TMPRSS7: variants seen among roughly 807,000 people sequenced by gnomAD.
The protein encoded by TMPRSS7 is transmembrane protease serine 7.
Under a neutral mutation model 95.6 loss-of-function variants are expected in TMPRSS7, and 81 were observed. That is an observed-to-expected ratio of 0.85 (90% CI 0.71 to 1.02). TMPRSS7 has a LOEUF of 1.02. Ranked by LOEUF, TMPRSS7 falls within the 50% of genes least tolerant of loss-of-function variation. The probability of loss-of-function intolerance (pLI) is 0.00; values close to 1 mark genes in which losing one functional copy is unlikely to be tolerated. For missense variants in TMPRSS7, 945 were observed against 955.2 expected (o/e 0.99, Z 0.14); for synonymous variants, 364 against 337.8 (o/e 1.08, Z -0.85).
At chr3:112,054,589 A>T (rs1055007459) in intron 9 of TMPRSS7, among the ~76,000 whole-genome samples, 1 of 152,130 alleles carries the variant, frequency 6.6e-6, no homozygotes, top group Non-Finnish European at 1.5e-5. Context: ...AGTGTTACAT[A>T]TGAATCCATT....
intron 8 of TMPRSS7, 55 bp from the exon 9 acceptor site, chr3:112,050,616 T>G (rs1007832842): frequency 3.2e-6 from 3 of 937,232 alleles, no homozygotes; most frequent in African/African-American, 3.4e-5. Context: ...ATGAAGTGTA[T>G]TTTCCATAAT....
chr3:112,063,268 G>A (rs969635227), intron 11 of TMPRSS7, among the ~76,000 whole-genome samples: 1 of 152,226 alleles, frequency 6.6e-6, no homozygotes, highest in Admixed American at 6.5e-5. Flanking sequence ...GATAGTAGAA[G>A]TTTGCTTGTG....
rs998240216 is a variant in TMPRSS7 at position 112,046,047 on chromosome 3, C to A, written c.691+104C>A. 3.1e-6 allele frequency: 3 copies of A among 979,532 alleles called. No homozygotes were observed. The East Asian group carries it at 8.0e-5, about 26-fold the overall frequency. The allele number at this position is 979,532 out of a possible 1,614,324, so 60.7% of individuals were successfully genotyped here. A position where few individuals can be genotyped will look rare whatever the true frequency, so the allele number is the denominator to read the frequency against. ...AATGAAGCATTACAATGTGGGATTA[C>A]CCCACAATCCCAGTGGCGCAGGATT... On this transcript the variant is annotated intron_variant, in intron 5 of 17. Coordinates refer to ENST00000452346, the Ensembl canonical transcript of TMPRSS7.
intron 3 of TMPRSS7, 79 bp from the exon 4 acceptor site, chr3:112,044,176 T>C: frequency 1.0e-6 from 1 of 980,218 alleles, no homozygotes; most frequent in Non-Finnish European, 1.6e-6. Context: ...CTGTCAGAGC[T>C]TGGGCCTACA....
intron 6 of TMPRSS7, 42 bp from the exon 7 acceptor site, chr3:112,047,697 T>TAA: frequency 1.5e-6 from 2 of 1,376,642 alleles, no homozygotes; most frequent in Non-Finnish European, 2.0e-6. Context: ...AAGTCATTCC[T>TAA]AAAAAAAAAG....
At chr3:112,045,870 A>G (rs755506679) in exon 5 of TMPRSS7, 10 of 1,551,760 alleles carry the variant, frequency 6.4e-6, no homozygotes, top group Non-Finnish European at 7.0e-6. Flanking sequence ...CCATCCAGAC[A>G]AGCATCATAA....
At chr3:112,035,503 T>C (rs2073145010) in intron 1 of TMPRSS7, among the ~76,000 whole-genome samples, 1 of 152,092 alleles carries the variant, frequency 6.6e-6, no homozygotes, top group African/African-American at 2.4e-5. Flanking sequence ...ATCCCATTAA[T>C]TGGCAAGATT....
chr3:112,048,037 TC>T, intron 7 of TMPRSS7, 70 bp downstream of exon 7: 1 of 1,456,148 alleles, frequency 6.9e-7, no homozygotes, highest in African/African-American at 1.4e-5. Flanking sequence ...GTATCTGTGT[TC>T]CCCCTGGATT....
At chr3:112,064,393 G>C (rs2073550165) in intron 12 of TMPRSS7, among the ~76,000 whole-genome samples, 5 of 149,324 alleles carry the variant, frequency 3.3e-5, no homozygotes, top group Non-Finnish European at 7.4e-5. Flanking sequence ...TTGTCACTCA[G>C]GTTAGAGTGC....
chr3:112,067,022 C>A (rs922554312), intron 13 of TMPRSS7, among the ~76,000 whole-genome samples: 7 of 152,042 alleles, frequency 4.6e-5, no homozygotes, highest in Admixed American at 1.3e-4. Flanking sequence ...ATGTTCCCCA[C>A]CCTGTGTCCA....
At chr3:112,072,397 T>C (rs1480162989) in intron 13 of TMPRSS7, among the ~76,000 whole-genome samples, 1 of 152,080 alleles carries the variant, frequency 6.6e-6, no homozygotes, top group Non-Finnish European at 1.5e-5. Flanking sequence ...TACTGGGAGG[T>C]GTCTCCCAGT....
chr3:112,050,046 G>T, intron 8 of TMPRSS7, 72 bp downstream of exon 8: 1 of 1,420,462 alleles, frequency 7.0e-7, no homozygotes, highest in South Asian at 1.6e-5. Context: ...TTATCTTTCT[G>T]GAAGCTGTGT....
intron 13 of TMPRSS7, among the ~76,000 whole-genome samples, chr3:112,069,614 G>A (rs2073618202): frequency 6.6e-6 from 1 of 152,232 alleles, no homozygotes; most frequent in Admixed American, 6.5e-5. Flanking sequence ...TATTTGCATA[G>A]AGGTGTTTAT....
Position 112,053,888 on chromosome 3 carries a change from T to C in TMPRSS7, c.1203+3105T>C, listed in dbSNP as rs1319808455. Among the ~76,000 whole-genome samples the C allele has an allele frequency of 2.6e-5, 4 of 152,362 alleles. No individual in the cohort carries two copies. The East Asian group carries it at 7.7e-4, about 29-fold the overall frequency. On this transcript the variant is annotated intron_variant, in intron 9 of 17. Coordinates refer to ENST00000452346, the Ensembl canonical transcript of TMPRSS7. ...GAACATTTACCACCTCCCTTCTTTT[T>C]TGTATTCCAATACATTTTGTTATAG...
intron 16 of TMPRSS7, among the ~76,000 whole-genome samples, 191 bp downstream of exon 16, chr3:112,077,335 A>C (rs1045701005): frequency 1.3e-5 from 2 of 152,194 alleles, no homozygotes; most frequent in African/African-American, 2.4e-5. Context: ...GCTTTAAAAG[A>C]AGCAGGGCTC....
chr3:112,073,286 G>T (rs942345785), intron 13 of TMPRSS7, among the ~76,000 whole-genome samples: 1 of 151,590 alleles, frequency 6.6e-6, no homozygotes, highest in African/African-American at 2.4e-5. Flanking sequence ...TAGAGATGGG[G>T]TTTCACCATG....
chr3:112,061,743 C>T (rs773045252), intron 10 of TMPRSS7, 44 bp from the exon 11 acceptor site: 8 of 1,546,152 alleles, frequency 5.2e-6, no homozygotes, highest in African/African-American at 1.4e-5. Flanking sequence ...ATTCAGTCGA[C>T]AGAACCTCAA....
rs996458517 is a variant in TMPRSS7 at position 112,073,027 on chromosome 3, C to T, written c.1667-1269C>T. 1.4e-4 allele frequency among the ~76,000 whole-genome samples: 22 copies of T among 152,036 alleles called. No homozygotes were observed. In the South Asian group the frequency reaches 1.7e-3, roughly 11 times the overall value. On this transcript the variant is annotated intron_variant, in intron 13 of 17. Coordinates refer to ENST00000452346, the Ensembl canonical transcript of TMPRSS7. Reference sequence around the variant, plus strand: ...CAATGGTTGAACTAATTTACACTCCCGCCAACAGTGTAAAAGTGTCCCTAT... The same window carrying T: ...CAATGGTTGAACTAATTTACACTCCTGCCAACAGTGTAAAAGTGTCCCTAT...
chr3:112,044,390 A>G, intron 4 of TMPRSS7, 68 bp downstream of exon 4: 2 of 1,327,038 alleles, frequency 1.5e-6, no homozygotes, highest in Non-Finnish European at 1.1e-6. Context: ...GGCTATGAAA[A>G]GGCTGAGATT....
Sources: allele counts gnomAD v4.1 joint callset (sites outside exome capture counted in the v4.1 genomes callset), GRCh38; gene constraint gnomAD v4.1.1; transcripts MANE v1.5; gene names NCBI Gene and HGNC (gene_info 2026-07-23, HGNC 2026-07-21).